STK39: variants seen among roughly 807,000 people sequenced by gnomAD.
STK39 encodes the protein serine/threonine kinase 39, also known as STE20/SPS1-related proline-alanine-rich protein kinase.
Under a neutral mutation model 77.8 loss-of-function variants are expected in STK39, and 20 were observed. The ratio of observed to expected loss-of-function variants is 0.26; its 90% CI spans 0.18 to 0.37. The LOEUF is 0.37. Ranked by LOEUF, STK39 falls within the 10% of genes least tolerant of loss-of-function variation. The pLI is 1.00. For synonymous variants in STK39, 246 were observed against 234.1 expected, an observed-to-expected ratio of 1.05 and a Z score of -0.47; for missense variants, 479 against 656.5, an observed-to-expected ratio of 0.73 and a Z score of 2.95.
At chr2:168,031,711 T>C (rs754371372) in intron 14 of STK39, among the ~76,000 whole-genome samples, 3 of 152,136 alleles carry the variant, frequency 2.0e-5, no homozygotes, top group Non-Finnish European at 2.9e-5. Context: ...CTACAAGCCA[T>C]AGAGAGAGAC....
intron 16 of STK39, among the ~76,000 whole-genome samples, chr2:168,001,762 A>C (rs1374399637): frequency 6.6e-6 from 1 of 152,204 alleles, no homozygotes; most frequent in African/African-American, 2.4e-5. Flanking sequence ...AACAGCAGAG[A>C]GATTTCATCT....
chr2:168,211,464 AC>A (rs1282861502), intron 1 of STK39, among the ~76,000 whole-genome samples: 1 of 152,186 alleles, frequency 6.6e-6, no homozygotes, highest in African/African-American at 2.4e-5. Context: ...GAGTTCACCA[AC>A]CCTGTGAAGA....
At chr2:168,043,424 T>C (rs1183850789) in intron 14 of STK39, among the ~76,000 whole-genome samples, 5 of 152,194 alleles carry the variant, frequency 3.3e-5, no homozygotes, top group Admixed American at 2.6e-4. Flanking sequence ...ATTAAGTGTG[T>C]ATATACAGCA....
chr2:168,064,119 G>A (rs755147441), intron 13 of STK39, among the ~76,000 whole-genome samples: 1 of 152,094 alleles, frequency 6.6e-6, no homozygotes, highest in Non-Finnish European at 1.5e-5. Context: ...AAAAAATAAG[G>A]CATTTCAGGT....
chr2:167,983,668 T>G (rs1312630207), intron 16 of STK39, among the ~76,000 whole-genome samples: 1 of 152,134 alleles, frequency 6.6e-6, no homozygotes. Flanking sequence ...TGAGACATCC[T>G]TACCCGTCCC....
chr2:168,108,496 C>CA (rs1687037346), intron 10 of STK39, among the ~76,000 whole-genome samples: 1 of 151,850 alleles, frequency 6.6e-6, no homozygotes, highest in Non-Finnish European at 1.5e-5. Flanking sequence ...TGCAGTGAGC[C>CA]ATGACTGCAC....
intron 16 of STK39, among the ~76,000 whole-genome samples, chr2:167,974,536 TC>T (rs1683220968): frequency 6.6e-6 from 1 of 152,218 alleles, no homozygotes; most frequent in African/African-American, 2.4e-5. Context: ...TAATATATGT[TC>T]CAAAATTGTA....
At chr2:168,149,164 C>A (rs1559120880) in intron 5 of STK39, among the ~76,000 whole-genome samples, 1 of 148,698 alleles carries the variant, frequency 6.7e-6, no homozygotes, top group Non-Finnish European at 1.5e-5. Flanking sequence ...GTGGCTCTGC[C>A]CTAGTCCTGA....
chr2:168,151,527 G>C lies in STK39; in HGVS notation c.628+10260C>G, dbSNP rs575173902. Reference sequence around the variant, plus strand: ...CGAGGCAGTCAGATTGCAAGGTCAGGAGATCGAGACCATCCTAGCTAACAC... The same window carrying C: ...CGAGGCAGTCAGATTGCAAGGTCAGCAGATCGAGACCATCCTAGCTAACAC... On this transcript the variant is annotated intron_variant, in intron 5 of 17. Transcript: ENST00000355999. 2.5e-3 allele frequency among the ~76,000 whole-genome samples: 380 copies of C among 152,208 alleles called. 2 individuals carry two copies. The highest frequency in any genetic ancestry group is 8.7e-3 in the African/African-American group (360 of 41,534).
At chr2:168,008,237 A>G (rs1684181410) in intron 16 of STK39, among the ~76,000 whole-genome samples, 1 of 152,236 alleles carries the variant, frequency 6.6e-6, no homozygotes, top group Non-Finnish European at 1.5e-5. Context: ...GAATGGCAGC[A>G]AAGGGATGAA....
intron 16 of STK39, among the ~76,000 whole-genome samples, chr2:168,002,415 C>T (rs951513794): frequency 1.3e-5 from 2 of 152,154 alleles, no homozygotes; most frequent in African/African-American, 4.8e-5. Flanking sequence ...ATCCCCAAAT[C>T]GGAAGTTCTT....
chr2:168,064,587 A>G (rs1053415908), intron 13 of STK39, among the ~76,000 whole-genome samples: 2 of 152,238 alleles, frequency 1.3e-5, no homozygotes, highest in African/African-American at 4.8e-5. Flanking sequence ...TCTCCAATAT[A>G]TGGCTATTTT....
chr2:168,054,466 C>T (rs1685473260), intron 14 of STK39, among the ~76,000 whole-genome samples: 1 of 152,216 alleles, frequency 6.6e-6, no homozygotes, highest in South Asian at 2.1e-4. Context: ...ACATAGTAGG[C>T]ATTTCATCTT....
intron 14 of STK39, among the ~76,000 whole-genome samples, chr2:168,044,169 GA>G (rs931908605): frequency 1.3e-5 from 2 of 152,140 alleles, no homozygotes; most frequent in Non-Finnish European, 2.9e-5. Flanking sequence ...ACTTTTGAGA[GA>G]AAGGGGAAGA....
intron 1 of STK39, among the ~76,000 whole-genome samples, chr2:168,188,488 CTG>C (rs1429543662): frequency 6.6e-6 from 1 of 152,206 alleles, no homozygotes; most frequent in Non-Finnish European, 1.5e-5. Context: ...TCACCACAGA[CTG>C]TTATTTTGCC....
chr2:168,015,690 G>GA lies in STK39; in HGVS notation c.1429+1352dup, dbSNP rs146030866. 1.0e-2 allele frequency among the ~76,000 whole-genome samples: 1,515 copies of GA among 152,222 alleles called. 31 individuals are homozygous for GA. Among genetic ancestry groups the GA allele is most frequent in the African/African-American group, 0.035 (1,458 of 41,534 alleles). ...CATAGTCAATTTTAAACAATCAGATGAAAAGAAACAATCTTAAAATAAGAA... is the reference window on the plus strand; with the variant it reads ...CATAGTCAATTTTAAACAATCAGATGAAAAAGAAACAATCTTAAAATAAGAA... On this transcript the variant is annotated intron_variant, in intron 15 of 17. Coordinates refer to ENST00000355999, the MANE Select transcript of STK39 (RefSeq NM_013233.3).
rs1388691551 is a variant in STK39 at position 168,063,573 on chromosome 2, T to G, written c.1306-3A>C. On this transcript the variant is annotated splice_region_variant and splice_polypyrimidine_tract_variant and intron_variant, in intron 13 of 17. Transcript: ENST00000355999. ...TCTTCATTAGCATTGGGTGGGCCCT[T>G]TAAAAAGAAAACAGCAAACAGTGTT... The G allele has an allele frequency of 1.2e-6, 2 of 1,609,214 alleles. No individual in the cohort carries two copies. The highest frequency in any genetic ancestry group is 2.7e-5 in the African/African-American group (2 of 74,708).
rs777361783 is a variant in STK39, at chr2:168,182,095, A to G, written c.209-5T>C. 6.2e-7 allele frequency: 1 copy of G among 1,612,272 alleles called. No homozygotes were observed. The highest frequency in any genetic ancestry group is 1.1e-5 in the South Asian group (1 of 91,016). On this transcript the variant is annotated splice_polypyrimidine_tract_variant and splice_region_variant and intron_variant, in intron 1 of 17. Coordinates refer to ENST00000355999, the MANE Select transcript of STK39 (RefSeq NM_013233.3). Reference sequence around the variant, plus strand: ...CCACAGCAGTAGCTCCACTGCCTGCAATGAAATAAAAACAACATCAGCGAT... The same window carrying G: ...CCACAGCAGTAGCTCCACTGCCTGCGATGAAATAAAAACAACATCAGCGAT...
At chr2:167,986,280 G>C (rs13411094) in intron 16 of STK39, among the ~76,000 whole-genome samples, 23,533 of 152,212 alleles carry the variant, frequency 0.15, 2,017 homozygotes, top group Middle Eastern at 0.21. Flanking sequence ...ACAGCCTGCA[G>C]TGAGGATGTA....
Sources: gnomAD v4.1 joint callset for allele counts (sites outside exome capture counted in the v4.1 genomes callset) on GRCh38, gnomAD v4.1.1 for gene constraint, MANE v1.5 for transcripts, NCBI Gene and HGNC (gene_info 2026-07-23, HGNC 2026-07-21) for gene names.